CDK12: variants seen among roughly 807,000 people sequenced by gnomAD.
CDK12 encodes cyclin dependent kinase 12, also known as cyclin-dependent kinase 12.
In CDK12, 17 loss-of-function variants were observed where a neutral mutation model predicts 133.8. The ratio of observed to expected loss-of-function variants is 0.13; its 90% CI spans 0.09 to 0.19. The LOEUF (loss-of-function observed/expected upper bound fraction) is 0.19. CDK12 is among the 10% of genes least tolerant of loss of function. The pLI, the probability that CDK12 is intolerant of heterozygous loss-of-function variation, is 1.00. For missense variants in CDK12, 1,508 were observed against 1,818.7 expected, an observed-to-expected ratio of 0.83 and a Z score of 3.11; for synonymous variants, 694 against 683.6, an observed-to-expected ratio of 1.02 and a Z score of -0.24.
upstream of CDK12, among the ~76,000 whole-genome samples, chr17:39,548,498 T>C (rs2055819394): frequency 6.6e-6 from 1 of 152,182 alleles, no homozygotes; most frequent in Non-Finnish European, 1.5e-5. Flanking sequence ...AAAAAATCTC[T>C]TATAATTGTT....
chr17:39,479,308 GA>G (rs34077108), intron 2 of CDK12, among the ~76,000 whole-genome samples: 1,189 of 100,414 alleles, frequency 0.012, 26 homozygotes, highest in African/African-American at 0.042. Flanking sequence ...GACTCCGTCT[GA>G]AAAAAAAAAA....
intron 8 of CDK12, among the ~76,000 whole-genome samples, chr17:39,514,796 T>G (rs1006510459): frequency 6.6e-6 from 1 of 152,190 alleles, no homozygotes; most frequent in Non-Finnish European, 1.5e-5. Flanking sequence ...TGACATAACA[T>G]ATCCACCAGT....
At chr17:39,560,791 AT>A (rs1323237332) in intron 3 of CDK12, among the ~76,000 whole-genome samples, 2 of 152,232 alleles carry the variant, frequency 1.3e-5, no homozygotes, top group African/African-American at 4.8e-5. Flanking sequence ...AGGCAGGTGG[AT>A]CACTTGAGGT....
At chr17:39,492,959 AT>A in intron 4 of CDK12, 69 bp downstream of exon 4, 1 of 1,321,834 alleles carries the variant, frequency 7.6e-7, no homozygotes, top group Non-Finnish European at 1.0e-6. Flanking sequence ...TCTTAAGTGG[AT>A]TTAGCAAAAG....
chr17:39,467,073 G>A (rs1164364313), intron 1 of CDK12, among the ~76,000 whole-genome samples: 1 of 152,048 alleles, frequency 6.6e-6, no homozygotes, highest in Non-Finnish European at 1.5e-5. Flanking sequence ...CCGCCTCCCA[G>A]GTTCAAGCGA....
intron 4 of CDK12, among the ~76,000 whole-genome samples, chr17:39,493,338 G>A (rs761876039): frequency 8.6e-5 from 13 of 150,642 alleles, no homozygotes; most frequent in Non-Finnish European, 1.5e-4. Context: ...GGGGTCTTGC[G>A]CTGTCATCCA....
At chr17:39,470,596 A>C (rs1313985542) in intron 1 of CDK12, among the ~76,000 whole-genome samples, 1 of 152,176 alleles carries the variant, frequency 6.6e-6, no homozygotes, top group Non-Finnish European at 1.5e-5. Flanking sequence ...ATATTGATAC[A>C]TAATTATAAA....
At chr17:39,510,096 C>G (rs1024089228) in intron 7 of CDK12, among the ~76,000 whole-genome samples, 1 of 150,564 alleles carries the variant, frequency 6.6e-6, no homozygotes, top group South Asian at 2.1e-4. Context: ...GCCACCGCAC[C>G]TGGGCAACAA....
chr17:39,490,405 T>G, intron 2 of CDK12, 152 bp from the exon 3 acceptor site: 4 of 529,808 alleles, frequency 7.5e-6, no homozygotes, highest in Non-Finnish European at 3.4e-6. Flanking sequence ...TTAGTTGTGA[T>G]TAATTATTTT....
At chr17:39,524,545 G>T in intron 11 of CDK12, 129 bp from the exon 12 acceptor site, 4 of 731,690 alleles carry the variant, frequency 5.5e-6, no homozygotes, top group Admixed American at 2.8e-5. Flanking sequence ...TAACTTTTTT[G>T]GTTATTTTTG....
Position 39,501,568 on chromosome 17 carries a change from C to T in CDK12, c.2609+129C>T. 6 of 609,254 alleles carry T rather than the reference C, an allele frequency of 9.8e-6. 1 individual carries two copies. The highest frequency in any genetic ancestry group is 1.7e-5 in the Non-Finnish European group (6 of 360,654). The allele number at this position is 609,254 out of a possible 1,614,324, so 37.7% of individuals were successfully genotyped here. ...TTCACACACTATTTAGTGATATTTC[C>T]TACGTTCAGTGTGGGAGAAACATAC... is the stretch of plus-strand genomic sequence containing the variant. On this transcript the variant is annotated intron_variant, in intron 6 of 13. Coordinates refer to ENST00000447079, the MANE Select transcript of CDK12 (RefSeq NM_016507.4).
chr17:39,463,157 G>C, intron 1 of CDK12, 40 bp downstream of exon 1: 1 of 1,559,872 alleles, frequency 6.4e-7, no homozygotes, highest in Non-Finnish European at 8.8e-7. Flanking sequence ...ATTTAGGGTG[G>C]GTTGCGAGGA....
intron 3 of CDK12, among the ~76,000 whole-genome samples, chr17:39,560,910 G>A (rs1429714574): frequency 2.0e-5 from 3 of 152,188 alleles, no homozygotes; most frequent in African/African-American, 4.8e-5. Flanking sequence ...AGCTACTCAG[G>A]AGGCTGAGGC....
intron 11 of CDK12, among the ~76,000 whole-genome samples, chr17:39,520,676 T>A (rs1357479243): frequency 1.4e-5 from 2 of 145,540 alleles, no homozygotes; most frequent in Admixed American, 1.4e-4. Flanking sequence ...CGTAAGCCAC[T>A]GCGTCCAGCG....
intron 1 of CDK12, among the ~76,000 whole-genome samples, chr17:39,464,789 G>GA (rs11302443): frequency 4.2e-4 from 63 of 148,430 alleles, no homozygotes; most frequent in African/African-American, 1.5e-3. Flanking sequence ...TTCTCTACAG[G>GA]AAAAAAAAAA....
In CDK12 at chr17:39,533,105, A is replaced by G. The variant is rs137927472; in HGVS notation, c.*1789A>G. 3.4e-5 allele frequency: 8 copies of G among 232,766 alleles called. No individual in the cohort carries two copies. In the East Asian group the frequency reaches 4.8e-4, roughly 14 times the overall value. 14.4% of individuals were successfully genotyped at this position (232,766 alleles called of 1,614,324 possible). A position where few individuals can be genotyped will look rare whatever the true frequency, so the allele number is the denominator to read the frequency against. ...AAAAAAACTTTAAAGAAATGAAAGA[A>G]GAACCCTCTTCAGATACTTACTTGA... On this transcript the variant is annotated 3_prime_UTR_variant, in exon 14 of 14. Transcript: ENST00000447079.
chr17:39,490,159 G>A (rs923232556), intron 2 of CDK12, among the ~76,000 whole-genome samples: 1 of 151,550 alleles, frequency 6.6e-6, no homozygotes, highest in Non-Finnish European at 1.5e-5. Context: ...TTGAGACCAG[G>A]AGTTCAAGAC....
In CDK12 at chr17:39,471,586, C is replaced by G. The variant is rs767506835; in HGVS notation, c.1754C>G (p.Pro585Arg). The change falls in exon 2 of 14, where the codon CCC becomes CGC. Residue 585 changes from proline (P) to arginine (R), a missense_variant. Around this residue, in one of 9 missense-constraint regions of CDK12, gnomAD observed 347 missense variants for 330.8 expected, o/e 1.05. Transcript: ENST00000447079. ...QVPASSTSTL[P>R]PSTHSKTSAV... is the part of the protein sequence containing the mutation. ...CCTGCTTCCAGTACTTCAACTTTGCCCCCTTCTACTCACTCAAAGACATCT... is the reference window on the plus strand; with the variant it reads ...CCTGCTTCCAGTACTTCAACTTTGCGCCCTTCTACTCACTCAAAGACATCT... 1.2e-5 allele frequency: 19 copies of G among 1,614,120 alleles called. No homozygotes were observed. Among genetic ancestry groups the G allele is most frequent in the Admixed American group, 1.7e-5 (1 of 60,000 alleles).
In CDK12 at chr17:39,461,891, T is replaced by G. The variant is rs934208027; in HGVS notation, c.-181T>G. 6.6e-6 allele frequency: 4 copies of G among 602,074 alleles called. No individual in the cohort carries two copies. The African/African-American group carries it at 7.5e-5, about 11-fold the overall frequency. The allele number at this position is 602,074 out of a possible 1,614,324, so 37.3% of individuals were successfully genotyped here. On this transcript the variant is annotated 5_prime_UTR_variant, in exon 1 of 14. Transcript: ENST00000447079. ...TTCCCTCGCTCCTTCACCCCCCACC[T>G]CATGTAGAAGGGTGCTGAGGCGTCG...
Sources: gnomAD v4.1 joint callset for allele counts (sites outside exome capture counted in the v4.1 genomes callset) on GRCh38, gnomAD v4.1.1 for gene constraint, gnomAD v4.1.1 regional missense constraint, MANE v1.5 for transcripts, NCBI Gene and HGNC (gene_info 2026-07-23, HGNC 2026-07-21) for gene names.